PCDHA10: variants seen among roughly 807,000 people sequenced by gnomAD.
PCDHA10 encodes the protein protocadherin alpha 10, also known as protocadherin alpha-10.
A neutral mutation model predicts 61.2 loss-of-function variants in PCDHA10; 45 were observed. That is an observed-to-expected ratio of 0.74 (90% CI 0.58 to 0.94). The LOEUF is 0.94. Ranked by LOEUF, PCDHA10 falls within the 40% of genes least tolerant of loss-of-function variation. The pLI, the probability that PCDHA10 is intolerant of heterozygous loss-of-function variation, is 0.00. For missense variants in PCDHA10, 1,278 were observed against 1,236.2 expected (o/e 1.03, Z -0.51); for synonymous variants, 602 against 548.8 (o/e 1.10, Z -1.35).
chr5:140,899,936 T>A (rs1443562291), intron 1 of PCDHA10, among the ~76,000 whole-genome samples: 1 of 152,064 alleles, frequency 6.6e-6, no homozygotes, highest in Non-Finnish European at 1.5e-5. Context: ...GCCTCCTGAA[T>A]AGCTGGGACC....
chr5:140,891,694 T>A (rs1302084074), intron 1 of PCDHA10, among the ~76,000 whole-genome samples: 1 of 152,236 alleles, frequency 6.6e-6, no homozygotes, highest in East Asian at 1.9e-4. Flanking sequence ...TTCTTGCTGT[T>A]GTCTGAATTT....
chr5:140,966,539 T>TCGGAGGCGAG (rs2096018089), intron 1 of PCDHA10: 1 of 462,064 alleles, frequency 2.2e-6, no homozygotes, highest in Non-Finnish European at 3.7e-6. Flanking sequence ...GTTGAGCGAC[T>TCGGAGGCGAG]CGGAGGCGAG....
chr5:140,966,803 C>G, intron 1 of PCDHA10: 1 of 1,542,484 alleles, frequency 6.5e-7, no homozygotes, highest in Non-Finnish European at 8.7e-7. Context: ...GGCGACAGAG[C>G]ATCCACGGCT....
chr5:140,859,387 C>A, intron 1 of PCDHA10: 2 of 268,138 alleles, frequency 7.5e-6, no homozygotes, highest in South Asian at 8.3e-5. Context: ...CTTCTCTAGT[C>A]ATCTTAAACA....
chr5:140,978,444 T>G (rs2096802589), intron 1 of PCDHA10, among the ~76,000 whole-genome samples: 1 of 152,248 alleles, frequency 6.6e-6, no homozygotes, highest in Non-Finnish European at 1.5e-5. Context: ...GTGTTATGAC[T>G]GGGCACATCC....
At chr5:140,986,823 A>G (rs2097214089) in intron 3 of PCDHA10, among the ~76,000 whole-genome samples, 1 of 152,166 alleles carries the variant, frequency 6.6e-6, no homozygotes, top group Admixed American at 6.5e-5. Context: ...TTTGGTTTAG[A>G]CAATGGTTCT....
intron 1 of PCDHA10, chr5:140,966,401 C>G (rs1218132824): frequency 2.5e-6 from 1 of 404,878 alleles, no homozygotes; most frequent in African/African-American, 2.1e-5. Flanking sequence ...CACTTCGGCG[C>G]GGAATCAGAG....
chr5:140,937,933 A>C (rs1452935525), intron 1 of PCDHA10, among the ~76,000 whole-genome samples: 1 of 151,854 alleles, frequency 6.6e-6, no homozygotes, highest in Non-Finnish European at 1.5e-5. Flanking sequence ...AAAAAGTTTA[A>C]TTTGATAATT....
In PCDHA10 at chr5:140,876,147, T is replaced by A. The variant is rs183600546; in HGVS notation, c.2388+17711T>A. 4.3e-6 allele frequency: 7 copies of A among 1,613,994 alleles called. No individual in the cohort carries two copies. The Admixed American group carries it at 1.2e-4, about 27-fold the overall frequency. ...GCGGTAAACCAGAACTAACAGGGTC[T>A]GTCCAGATTCAAATAACCGTCCTGG... is the stretch of plus-strand genomic sequence containing the variant. On this transcript the variant is annotated intron_variant, in intron 1 of 3. Transcript: ENST00000307360.
intron 1 of PCDHA10, among the ~76,000 whole-genome samples, chr5:140,895,524 G>A (rs891938988): frequency 2.3e-4 from 35 of 152,128 alleles, no homozygotes; most frequent in African/African-American, 7.2e-4. Context: ...TGGTTTATTC[G>A]TTTTTCAATT....
intron 1 of PCDHA10, chr5:140,968,461 C>G (rs141568667): frequency 1.4e-5 from 22 of 1,614,078 alleles, no homozygotes; most frequent in Non-Finnish European, 1.9e-5. Context: ...CTGTGACTGC[C>G]AACGTATATG....
In PCDHA10 at chr5:140,857,754, C is replaced by G; in HGVS notation, c.1706C>G (p.Ala569Gly). 6.3e-7 allele frequency: 1 copy of G among 1,597,392 alleles called. No individual in the cohort carries two copies. The highest frequency in any genetic ancestry group is 8.6e-7 in the Non-Finnish European group (1 of 1,167,560). The change falls in exon 1 of 4, where the codon GCT becomes GGT. Residue 569 changes from alanine to glycine, a missense_variant. Physicochemically the swap from Ala to Gly is moderately conservative, Grantham distance 60. Transcript: ENST00000307360. ...DNAPALLASP[A>G]GSAGGAVSEL... ...GCTCCCGCGCTGCTGGCGTCTCCCGCTGGCAGCGCGGGCGGTGCAGTCAGT... is the reference window on the plus strand; with the variant it reads ...GCTCCCGCGCTGCTGGCGTCTCCCGGTGGCAGCGCGGGCGGTGCAGTCAGT...
intron 3 of PCDHA10, among the ~76,000 whole-genome samples, chr5:140,987,107 G>A (rs936936352): frequency 6.6e-6 from 1 of 151,876 alleles, no homozygotes; most frequent in Non-Finnish European, 1.5e-5. Flanking sequence ...CCAGCTACTC[G>A]GGAGGCTGAG....
chr5:140,870,218 G>A, intron 1 of PCDHA10: 1 of 1,614,172 alleles, frequency 6.2e-7, no homozygotes, highest in Non-Finnish European at 8.5e-7. Context: ...GCCCTGATCA[G>A]CGTGTCTGAC....
intron 1 of PCDHA10, chr5:140,869,761 C>T (rs782673770): frequency 6.2e-7 from 1 of 1,613,150 alleles, no homozygotes; most frequent in Non-Finnish European, 8.5e-7. Context: ...CGGGGGAAAA[C>T]CAGAGCTTAC....
chr5:140,903,768 T>C (rs1211667697), intron 1 of PCDHA10, among the ~76,000 whole-genome samples: 1 of 152,212 alleles, frequency 6.6e-6, no homozygotes, highest in Non-Finnish European at 1.5e-5. Flanking sequence ...TGCTGAACTT[T>C]TCTATCCATA....
intron 1 of PCDHA10, chr5:140,968,856 G>A (rs782749305): frequency 1.2e-6 from 2 of 1,614,184 alleles, no homozygotes; most frequent in South Asian, 1.1e-5. Flanking sequence ...CATGTTAAGA[G>A]CCCTCGGACA....
chr5:140,883,885 C>T (rs550197512), intron 1 of PCDHA10: 4 of 1,613,260 alleles, frequency 2.5e-6, no homozygotes, highest in East Asian at 4.5e-5. Context: ...GCGCGCGCGA[C>T]TCTGGCGTGC....
chr5:140,966,042 G>T (rs1554228004), intron 1 of PCDHA10, among the ~76,000 whole-genome samples: 1 of 152,152 alleles, frequency 6.6e-6, no homozygotes, highest in Admixed American at 6.5e-5. Context: ...AGTTCCCATC[G>T]CCAGTAACCC....
Sources: gnomAD v4.1 joint callset for allele counts (sites outside exome capture counted in the v4.1 genomes callset) on GRCh38, gnomAD v4.1.1 for gene constraint, MANE v1.5 for transcripts, NCBI Gene and HGNC (gene_info 2026-07-23, HGNC 2026-07-21) for gene names.